Variants in NCAM1 observed in about 807,000 individuals in gnomAD.
NCAM1 encodes the protein neural cell adhesion molecule 1, also known as antigen recognized by monoclonal antibody 5.1H11.
In NCAM1, 14 loss-of-function variants were observed where a neutral mutation model predicts 109.8. That is an observed-to-expected ratio of 0.13 (90% CI 0.08 to 0.20). NCAM1 has a LOEUF of 0.20. Ranked by LOEUF, NCAM1 falls within the 10% of genes least tolerant of loss-of-function variation. The pLI, the probability that NCAM1 is intolerant of heterozygous loss-of-function variation, is 1.00. For missense variants in NCAM1, 774 were observed against 1,109.9 expected (o/e 0.70, Z 4.30); for synonymous variants, 418 against 442.9 (o/e 0.94, Z 0.70).
intron 1 of NCAM1, among the ~76,000 whole-genome samples, chr11:113,160,460 A>G (rs1193368323): frequency 2.6e-5 from 4 of 152,212 alleles, no homozygotes; most frequent in African/African-American, 9.6e-5. Context: ...AATCATGTGC[A>G]GTGGGAGTGA....
chr11:113,240,466 T>A (rs1479257813), intron 14 of NCAM1: 1 of 381,060 alleles, frequency 2.6e-6, no homozygotes, highest in East Asian at 4.9e-5. Context: ...ATACCTCTCG[T>A]CCTATGGAGA....
At position 113,274,252 on chromosome 11, in the gene NCAM1, AC is replaced by A. The variant is rs1946358726; in HGVS notation, c.2457-1011del. On this transcript the variant is annotated intron_variant, in intron 19 of 19. Transcript: ENST00000316851. This position sits in a 1 kb window ranked among gnomAD's most constrained non-coding sequence, Gnocchi z 4.1. Reference sequence around the variant, plus strand: ...CTCAGATGCTCACCCTCCCCTCCCAACCCCGGCCCCCAGCCCACTCTTGCTT... The same window carrying A: ...CTCAGATGCTCACCCTCCCCTCCCAACCCGGCCCCCAGCCCACTCTTGCTT... Among the ~76,000 whole-genome samples the A allele has an allele frequency of 6.6e-6, 1 of 151,904 alleles. No individual in the cohort carries two copies. Among genetic ancestry groups the A allele is most frequent in the South Asian group, 2.1e-4 (1 of 4,810 alleles).
chr11:113,272,753 C>T (rs1371222452), intron 19 of NCAM1, among the ~76,000 whole-genome samples: 1 of 152,130 alleles, frequency 6.6e-6, no homozygotes, highest in Non-Finnish European at 1.5e-5. Context: ...CTCTTCTGCC[C>T]ACCTGGGCGT....
At chr11:113,238,287 C>T (rs543689295) in intron 14 of NCAM1, among the ~76,000 whole-genome samples, 7 of 152,276 alleles carry the variant, frequency 4.6e-5, no homozygotes, top group Admixed American at 2.6e-4. Context: ...AAAAGGCAAA[C>T]TTCTTTTAGA....
chr11:113,178,810 T>C (rs1327145987), intron 1 of NCAM1, among the ~76,000 whole-genome samples: 2 of 152,188 alleles, frequency 1.3e-5, no homozygotes, highest in East Asian at 3.8e-4. Context: ...TGATGACACA[T>C]GGCAGATTAC....
chr11:112,976,433 C>T (rs1334246660), intron 1 of NCAM1, among the ~76,000 whole-genome samples: 5 of 151,634 alleles, frequency 3.3e-5, no homozygotes, highest in African/African-American at 1.2e-4. Context: ...AGGAGGAGAA[C>T]TTTTAGAATT....
intron 1 of NCAM1, among the ~76,000 whole-genome samples, chr11:113,190,441 T>G (rs1436201179): frequency 6.6e-6 from 1 of 152,186 alleles, no homozygotes; most frequent in Non-Finnish European, 1.5e-5. Flanking sequence ...GAAGAATGTA[T>G]TTTGGATGTG....
intron 1 of NCAM1, among the ~76,000 whole-genome samples, chr11:113,021,651 A>G (rs1268186634): frequency 6.6e-6 from 1 of 152,222 alleles, no homozygotes; most frequent in African/African-American, 2.4e-5. Flanking sequence ...TCTGTTACAC[A>G]AAATGCAACT....
intron 1 of NCAM1, among the ~76,000 whole-genome samples, chr11:112,978,628 G>A (rs1361566366): frequency 6.6e-6 from 1 of 151,800 alleles, no homozygotes; most frequent in Non-Finnish European, 1.5e-5. Flanking sequence ...AGCCACATTA[G>A]CCAGTACAGT....
intron 16 of NCAM1, among the ~76,000 whole-genome samples, chr11:113,258,619 A>G (rs1437139436): frequency 6.6e-6 from 1 of 152,244 alleles, no homozygotes; most frequent in African/African-American, 2.4e-5. Flanking sequence ...TACCTATTGT[A>G]TATTTCAAAC....
At chr11:113,070,029 T>C (rs1484162469) in intron 1 of NCAM1, among the ~76,000 whole-genome samples, 1 of 151,908 alleles carries the variant, frequency 6.6e-6, no homozygotes, top group African/African-American at 2.4e-5. Context: ...GAGATGTGAA[T>C]ACAGGATTCA....
chr11:113,254,370 A>C (rs1451102111), intron 15 of NCAM1, among the ~76,000 whole-genome samples: 1 of 152,210 alleles, frequency 6.6e-6, no homozygotes, highest in African/African-American at 2.4e-5. Flanking sequence ...TATCCTCCAG[A>C]CATTGTGCAT....
intron 1 of NCAM1, among the ~76,000 whole-genome samples, chr11:113,064,614 C>T (rs1231736201): frequency 3.3e-5 from 5 of 152,140 alleles, no homozygotes; most frequent in South Asian, 2.1e-4. Context: ...CTTTGCAGTT[C>T]GTATCATTAC....
intron 1 of NCAM1, among the ~76,000 whole-genome samples, chr11:113,129,769 C>T (rs993509723): frequency 6.6e-6 from 1 of 152,164 alleles, no homozygotes; most frequent in East Asian, 1.9e-4. Flanking sequence ...TTGTGAACAT[C>T]CTGAATAAAG....
intron 1 of NCAM1, among the ~76,000 whole-genome samples, chr11:113,069,524 G>C (rs1371368685): frequency 1.3e-5 from 2 of 152,208 alleles, no homozygotes; most frequent in Non-Finnish European, 2.9e-5. Context: ...AACCAAAGTG[G>C]ATGCAGGGAG....
chr11:113,040,774 G>A (rs1555079861), intron 1 of NCAM1, among the ~76,000 whole-genome samples: 1 of 152,050 alleles, frequency 6.6e-6, no homozygotes, highest in Non-Finnish European at 1.5e-5. Flanking sequence ...GTTGTTTGTT[G>A]GTTGGTTTAG....
At position 113,155,833 on chromosome 11, in the gene NCAM1, T is replaced by TCCCATTCCTCCACTCTCCTC. The variant is rs1243382574; in HGVS notation, c.53-46524_53-46505dup. ...TATGTACTCTGGGTTCTCCTCTCCT[T>TCCCATTCCTCCACTCTCCTC]CCCATTCCTCCACTCTCCTCCCCAT... is the stretch of plus-strand genomic sequence containing the variant. On this transcript the variant is annotated intron_variant, in intron 1 of 19. Coordinates refer to ENST00000316851, the MANE Select transcript of NCAM1 (RefSeq NM_181351.5). Among the ~76,000 whole-genome samples, 12 of 152,134 alleles carry TCCCATTCCTCCACTCTCCTC rather than the reference T, an allele frequency of 7.9e-5. No homozygotes were observed. In the South Asian group the frequency reaches 1.7e-3, roughly 21 times the overall value.
chr11:113,209,595 C>T (rs782740622), intron 7 of NCAM1, among the ~76,000 whole-genome samples: 1 of 152,070 alleles, frequency 6.6e-6, no homozygotes, highest in Non-Finnish European at 1.5e-5. Context: ...ATCCCTTGAC[C>T]CTGGGAAGCA....
intron 1 of NCAM1, among the ~76,000 whole-genome samples, chr11:113,159,966 G>A (rs1371161427): frequency 1.3e-5 from 2 of 150,310 alleles, no homozygotes; most frequent in Admixed American, 1.3e-4. Flanking sequence ...TCATTACTCA[G>A]TGTTCATTAC....
Sources: allele counts gnomAD v4.1 joint callset (sites outside exome capture counted in the v4.1 genomes callset), GRCh38; gene constraint gnomAD v4.1.1; non-coding constraint Gnocchi (gnomAD v3.1); transcripts MANE v1.5; gene names NCBI Gene and HGNC (gene_info 2026-07-23, HGNC 2026-07-21).